Variants in SNX29 observed in about 807,000 individuals in gnomAD.
The protein encoded by SNX29 is sorting nexin 29, also known as sorting nexin-29.
A neutral mutation model predicts 102.1 loss-of-function variants in SNX29; 78 were observed. The observed-to-expected ratio is 0.76, with a 90% CI of 0.64 to 0.92. The LOEUF is 0.92. Ranked by LOEUF, SNX29 falls within the 40% of genes least tolerant of loss-of-function variation. The probability of loss-of-function intolerance (pLI) is 0.00; values close to 1 mark genes in which losing one functional copy is unlikely to be tolerated. For missense variants in SNX29, 1,280 were observed against 1,061.7 expected (o/e 1.21, Z -2.86); for synonymous variants, 580 against 414.5 (o/e 1.40, Z -4.85).
At chr16:12,192,999 G>C (rs2076682131) in intron 13 of SNX29, among the ~76,000 whole-genome samples, 1 of 152,012 alleles carries the variant, frequency 6.6e-6, no homozygotes, top group Non-Finnish European at 1.5e-5. Flanking sequence ...ACTGTGCTCA[G>C]TCTAAAAAAT....
chr16:12,561,370 C>T (rs934817579), intron 20 of SNX29, among the ~76,000 whole-genome samples: 5 of 152,056 alleles, frequency 3.3e-5, no homozygotes, highest in East Asian at 1.9e-4. Flanking sequence ...GGAGCTAGGT[C>T]GTGGAAGATG....
At chr16:12,091,759 A>AG (rs2052556103) in intron 11 of SNX29, among the ~76,000 whole-genome samples, 1 of 88,838 alleles carries the variant, frequency 1.1e-5, no homozygotes, top group African/African-American at 4.1e-5. Flanking sequence ...CCTGGGCAAC[A>AG]GAGCAAGATC....
chr16:12,047,482 C>T (rs1225322857), intron 6 of SNX29, among the ~76,000 whole-genome samples: 1 of 152,074 alleles, frequency 6.6e-6, no homozygotes, highest in Non-Finnish European at 1.5e-5. Context: ...TTTCTGTCCA[C>T]AGTAATGATG....
chr16:12,217,464 A>C (rs923063109), intron 14 of SNX29, among the ~76,000 whole-genome samples: 1 of 152,136 alleles, frequency 6.6e-6, no homozygotes, highest in African/African-American at 2.4e-5. Flanking sequence ...TCTCTACTCA[A>C]TACTTTGAAA....
rs565147615 is a variant in SNX29 at position 12,410,677 on chromosome 16, T to A, written c.2037+7148T>A. Among the ~76,000 whole-genome samples, 61 of 150,750 alleles carry A rather than the reference T, an allele frequency of 4.0e-4. No individual in the cohort carries two copies. The East Asian group carries it at 8.8e-3, about 22-fold the overall frequency. On this transcript the variant is annotated intron_variant, in intron 18 of 20. Transcript: ENST00000566228. Reference sequence around the variant, plus strand: ...TGTAACTCCTGGTCTCAAGTGATCTTCCCACTTGGGCCTCCCAAAGTGCTG... The same window carrying A: ...TGTAACTCCTGGTCTCAAGTGATCTACCCACTTGGGCCTCCCAAAGTGCTG...
intron 19 of SNX29, among the ~76,000 whole-genome samples, chr16:12,509,918 C>T (rs1426200769): frequency 6.6e-6 from 1 of 152,260 alleles, no homozygotes; most frequent in East Asian, 1.9e-4. Flanking sequence ...GCTCCAATAG[C>T]CTCAGCATGT....
At chr16:12,547,437 GGGGATGGTGCCTCAGGCAGCCT>G (rs2077677392) in intron 20 of SNX29, among the ~76,000 whole-genome samples, 2 of 152,284 alleles carry the variant, frequency 1.3e-5, no homozygotes, top group Admixed American at 1.3e-4. Flanking sequence ...CCCGGGGAGA[GGGGATGGTGCCTCAGGCAGCCT>G]GGGAAGGGGT....
At chr16:12,070,228 C>T (rs953360766) in intron 10 of SNX29, among the ~76,000 whole-genome samples, 1 of 151,344 alleles carries the variant, frequency 6.6e-6, no homozygotes, top group Non-Finnish European at 1.5e-5. Context: ...GCACAATGTT[C>T]AGGTTAGTTA....
At chr16:12,560,024 T>TTG (rs1567201143) in intron 20 of SNX29, among the ~76,000 whole-genome samples, 6 of 152,146 alleles carry the variant, frequency 3.9e-5, no homozygotes, top group African/African-American at 1.4e-4. Flanking sequence ...TTGGAAGACT[T>TTG]AGTATGACAA....
intron 15 of SNX29, among the ~76,000 whole-genome samples, chr16:12,350,806 G>A (rs1348180242): frequency 6.6e-6 from 1 of 152,096 alleles, no homozygotes; most frequent in Non-Finnish European, 1.5e-5. Context: ...CTTCTTTGAG[G>A]TCCTTCCCCT....
chr16:12,219,064 G>T (rs997933969), intron 14 of SNX29, among the ~76,000 whole-genome samples: 3 of 152,098 alleles, frequency 2.0e-5, no homozygotes, highest in Non-Finnish European at 4.4e-5. Flanking sequence ...GTGAGCCACC[G>T]CGCCTGGCCC....
chr16:12,063,133 T>A (rs1488527155), intron 9 of SNX29, among the ~76,000 whole-genome samples: 2 of 152,132 alleles, frequency 1.3e-5, no homozygotes, highest in Non-Finnish European at 2.9e-5. Flanking sequence ...TGTGATTATA[T>A]CAGCTACCTT....
chr16:12,339,912 C>T (rs1476910894), intron 15 of SNX29, among the ~76,000 whole-genome samples: 1 of 152,164 alleles, frequency 6.6e-6, no homozygotes, highest in African/African-American at 2.4e-5. Context: ...GTTTGGTCAG[C>T]TTCCCCAGAT....
At chr16:11,981,866 C>T (rs1252959313) in intron 1 of SNX29, among the ~76,000 whole-genome samples, 1 of 152,056 alleles carries the variant, frequency 6.6e-6, no homozygotes, top group South Asian at 2.1e-4. Context: ...GATACGGATT[C>T]ATACACATCA....
At chr16:12,334,002 G>A (rs2081370879) in intron 15 of SNX29, among the ~76,000 whole-genome samples, 1 of 152,098 alleles carries the variant, frequency 6.6e-6, no homozygotes, top group Admixed American at 6.6e-5. Flanking sequence ...GTGGCTGATG[G>A]GTGTGTTTGT....
intron 1 of SNX29, among the ~76,000 whole-genome samples, chr16:11,995,307 C>T (rs929405912): frequency 6.6e-6 from 1 of 152,110 alleles, no homozygotes; most frequent in Non-Finnish European, 1.5e-5. Flanking sequence ...CTCATGTGAT[C>T]CGTCCGCTTT....
At chr16:12,210,552 C>T (rs1320988697) in intron 14 of SNX29, among the ~76,000 whole-genome samples, 1 of 151,934 alleles carries the variant, frequency 6.6e-6, no homozygotes, top group Non-Finnish European at 1.5e-5. Context: ...AGCCAAGAGA[C>T]AGAGAAAGTG....
rs1029987985 is a variant in SNX29, at chr16:12,058,601, C to T, written c.1125-2927C>T. On this transcript the variant is annotated intron_variant, in intron 8 of 20. Coordinates refer to ENST00000566228, the MANE Select transcript of SNX29 (RefSeq NM_032167.5). ...CTCCGCCTCTCGAGTTCAAGTGATT[C>T]TCCTGCCTCACCCTTCCAAGTAGCT... Among the ~76,000 whole-genome samples the T allele has an allele frequency of 2.8e-5, 4 of 145,022 alleles. No individual in the cohort carries two copies. In the East Asian group the frequency reaches 6.2e-4, roughly 22 times the overall value.
intron 11 of SNX29, among the ~76,000 whole-genome samples, chr16:12,112,110 G>A (rs1405230551): frequency 6.6e-6 from 1 of 152,218 alleles, no homozygotes; most frequent in African/African-American, 2.4e-5. Flanking sequence ...AGCTCTTGGA[G>A]TTTACTGCTG....
Sources: gnomAD v4.1 joint callset for allele counts (sites outside exome capture counted in the v4.1 genomes callset) on GRCh38, gnomAD v4.1.1 for gene constraint, MANE v1.5 for transcripts, NCBI Gene and HGNC (gene_info 2026-07-23, HGNC 2026-07-21) for gene names.